Variants in CPLANE1 observed in about 807,000 individuals in gnomAD.
The protein encoded by CPLANE1 is ciliogenesis and planar polarity effector 1.
Under a neutral mutation model 362.5 loss-of-function variants are expected in CPLANE1, and 263 were observed. That is an observed-to-expected ratio of 0.73 (90% CI 0.66 to 0.80). The LOEUF is 0.80. Ranked by LOEUF, CPLANE1 falls within the 30% of genes least tolerant of loss-of-function variation. The pLI, the probability that CPLANE1 is intolerant of heterozygous loss-of-function variation, is 0.00. For synonymous variants in CPLANE1, 1,212 were observed against 1,302.6 expected (o/e 0.93, Z 1.50); for missense variants, 3,461 against 3,793.4 (o/e 0.91, Z 2.30).
chr5:37,143,382 C>G (rs1770404777), intron 43 of CPLANE1, among the ~76,000 whole-genome samples: 1 of 151,842 alleles, frequency 6.6e-6, no homozygotes, highest in African/African-American at 2.4e-5. Context: ...TAAAACATGA[C>G]TGAAATTATG....
chr5:37,216,690 CAATAAT>C (rs1191931415), intron 15 of CPLANE1, among the ~76,000 whole-genome samples: 1 of 152,126 alleles, frequency 6.6e-6, no homozygotes, highest in Non-Finnish European at 1.5e-5. Context: ...TTGAGAATCT[CAATAAT>C]AATATAAGCT....
chr5:37,158,385 A>C, intron 38 of CPLANE1, 40 bp from the exon 39 acceptor site: 1 of 1,577,524 alleles, frequency 6.3e-7, no homozygotes, highest in Non-Finnish European at 8.6e-7. Flanking sequence ...CATTCAAAAA[A>C]AGGCTGTAAA....
At chr5:37,198,347 G>C (rs1788161382) in intron 20 of CPLANE1, among the ~76,000 whole-genome samples, 2 of 152,024 alleles carry the variant, frequency 1.3e-5, no homozygotes, top group Admixed American at 6.6e-5. Context: ...TGAACCCACA[G>C]AAGGCCCCAC....
chr5:37,105,510 A>G (rs1392084732), downstream of CPLANE1, among the ~76,000 whole-genome samples: 3 of 152,214 alleles, frequency 2.0e-5, no homozygotes, highest in African/African-American at 4.8e-5. Context: ...ATCACATATA[A>G]AAACCAAAAT....
Position 37,183,625 on chromosome 5 carries a change from T to C in CPLANE1, c.4556A>G (p.Glu1519Gly). ...TDKRKMCNQK[E>G]NPTKKEDHEK... Reference sequence around the variant, plus strand: ...ATGATCTTCTTTCTTTGTAGGATTTTCTTTCTGATTACACATTTTCCTTTT... The same window carrying C: ...ATGATCTTCTTTCTTTGTAGGATTTCCTTTCTGATTACACATTTTCCTTTT... Residue 1519 changes from glutamate (E) to glycine (G), a missense_variant, in exon 26 of 53, where the codon GAA becomes GGA. Transcript: ENST00000651892. 1 of 1,612,478 alleles carries C rather than the reference T, an allele frequency of 6.2e-7. No individual in the cohort carries two copies. Among genetic ancestry groups the C allele is most frequent in the Non-Finnish European group, 8.5e-7 (1 of 1,179,420 alleles).
Position 37,107,541 on chromosome 5 carries a change from C to G in CPLANE1, c.*61G>C. On this transcript the variant is annotated 3_prime_UTR_variant, in exon 53 of 53. Coordinates refer to ENST00000651892, the MANE Select transcript of CPLANE1 (RefSeq NM_001384732.1). ...GCTTCTGTCCCTTAAACCTGTTAAT[C>G]TTTCAGAACCACATTACTGAGGTGC... 7.0e-7 allele frequency: 1 copy of G among 1,430,012 alleles called. No individual in the cohort carries two copies. The highest frequency in any genetic ancestry group is 9.2e-7 in the Non-Finnish European group (1 of 1,082,952). 88.6% of individuals were successfully genotyped at this position (1,430,012 alleles called of 1,614,324 possible).
At chr5:37,203,971 C>T (rs1424088305) in intron 18 of CPLANE1, among the ~76,000 whole-genome samples, 1 of 152,188 alleles carries the variant, frequency 6.6e-6, no homozygotes, top group Non-Finnish European at 1.5e-5. Flanking sequence ...GGCAATTCCC[C>T]TTACTTTATT....
chr5:37,126,355 C>T (rs1302355038), intron 46 of CPLANE1, among the ~76,000 whole-genome samples: 1 of 152,184 alleles, frequency 6.6e-6, no homozygotes, highest in African/African-American at 2.4e-5. Context: ...ATGGACTAAG[C>T]ATGGCAGGGA....
At chr5:37,227,431 G>C (rs1007749105) in intron 10 of CPLANE1, 39 bp from the exon 11 acceptor site, 1 of 1,510,076 alleles carries the variant, frequency 6.6e-7, no homozygotes, top group African/African-American at 1.4e-5. Context: ...AGAGCAAAAT[G>C]TTATCTGTAA....
Position 37,199,345 on chromosome 5 carries a change from A to T in CPLANE1, c.3508-479T>A, listed in dbSNP as rs978567064. Among the ~76,000 whole-genome samples the T allele has an allele frequency of 3.3e-5, 5 of 152,136 alleles. No individual in the cohort carries two copies. In the South Asian group the frequency reaches 1.0e-3, roughly 32 times the overall value. Reference sequence around the variant, plus strand: ...ACTCCATTGGTGGGATGTTACAGAGAGGTCCATCTAAGCAGAATCCCTTTT... The same window carrying T: ...ACTCCATTGGTGGGATGTTACAGAGTGGTCCATCTAAGCAGAATCCCTTTT... On this transcript the variant is annotated intron_variant, in intron 19 of 52. Transcript: ENST00000651892.
the CPLANE1 span, among the ~76,000 whole-genome samples, chr5:37,096,518 C>T: frequency 1.3e-5 from 2 of 152,152 alleles, no homozygotes; most frequent in East Asian, 3.9e-4. Context: ...TGACCAAGAA[C>T]CTAAAAGCAA....
the CPLANE1 span, among the ~76,000 whole-genome samples, chr5:37,077,604 G>GT: frequency 7.7e-6 from 1 of 129,592 alleles, no homozygotes; most frequent in South Asian, 2.4e-4. Flanking sequence ...GTGTGTGTGT[G>GT]TCTTTTTTTT....
intron 46 of CPLANE1, among the ~76,000 whole-genome samples, chr5:37,131,536 AT>A (rs927475157): frequency 1.1e-4 from 16 of 149,148 alleles, no homozygotes; most frequent in African/African-American, 3.7e-4. Context: ...GTAAAAAAAA[AT>A]TTTTTTTTTT....
At chr5:37,076,710 C>T in the CPLANE1 span, among the ~76,000 whole-genome samples, 2 of 151,846 alleles carry the variant, frequency 1.3e-5, no homozygotes, top group Admixed American at 6.6e-5. Flanking sequence ...TTCCCTTTGT[C>T]ATTGAGCATA....
intron 41 of CPLANE1, among the ~76,000 whole-genome samples, chr5:37,155,200 A>C (rs1293998227): frequency 6.6e-6 from 1 of 152,100 alleles, no homozygotes; most frequent in East Asian, 1.9e-4. Context: ...TTCTGTCCAA[A>C]ACTCTTCAGT....
chr5:37,129,943 C>T (rs1365968797), intron 46 of CPLANE1, among the ~76,000 whole-genome samples: 8 of 152,194 alleles, frequency 5.3e-5, no homozygotes, highest in East Asian at 1.9e-4. Flanking sequence ...TACTTACACA[C>T]GCATGTTTAT....
At position 37,224,239 on chromosome 5, in the gene CPLANE1, T is replaced by C. The variant is rs1376827261; in HGVS notation, c.2581+14A>G. The C allele has an allele frequency of 6.6e-7, 1 of 1,525,452 alleles. No homozygotes were observed. Among genetic ancestry groups the C allele is most frequent in the East Asian group, 2.5e-5 (1 of 40,634 alleles). 94.5% of individuals were successfully genotyped at this position (1,525,452 alleles called of 1,614,324 possible). On this transcript the variant is annotated intron_variant, in intron 14 of 52. Coordinates refer to ENST00000651892, the MANE Select transcript of CPLANE1 (RefSeq NM_001384732.1). ...TGCTAATATTATGGCACATATTTTT[T>C]AACACTCTCTTACCTTTCTCTTCGA... is the stretch of plus-strand genomic sequence containing the variant.
At chr5:37,128,329 C>A (rs1290903638) in intron 46 of CPLANE1, among the ~76,000 whole-genome samples, 1 of 152,138 alleles carries the variant, frequency 6.6e-6, no homozygotes, top group Admixed American at 6.6e-5. Context: ...TATTACCCTA[C>A]ACTCTCCATT....
intron 31 of CPLANE1, among the ~76,000 whole-genome samples, chr5:37,174,577 A>G (rs1241710519): frequency 2.0e-5 from 3 of 152,126 alleles, no homozygotes; most frequent in Non-Finnish European, 4.4e-5. Context: ...TTTTTTTTAA[A>G]AAAACAAAAT....
Sources: allele counts gnomAD v4.1 joint callset (sites outside exome capture counted in the v4.1 genomes callset), GRCh38; gene constraint gnomAD v4.1.1; transcripts MANE v1.5; gene names NCBI Gene and HGNC (gene_info 2026-07-23, HGNC 2026-07-21).